Variants in CRADD observed in about 807,000 individuals in gnomAD.
The protein encoded by CRADD is CARD and death domain containing adaptor protein.
A neutral mutation model predicts 15.5 loss-of-function variants in CRADD; 9 were observed. That is an observed-to-expected ratio of 0.58 (90% CI 0.35 to 1.01). The LOEUF (loss-of-function observed/expected upper bound fraction) is 1.01, where lower values mean the gene tolerates loss of function less well. Among genes scored for constraint, CRADD ranks in the 50% least tolerant of loss-of-function variants. The pLI, the probability that CRADD is intolerant of heterozygous loss-of-function variation, is 0.02. For synonymous variants in CRADD, 118 were observed against 107.6 expected (o/e 1.10, Z -0.60); for missense variants, 227 against 250.3 (o/e 0.91, Z 0.63).
At chr12:93,808,033 T>G in intron 2 of CRADD, among the ~76,000 whole-genome samples, 2 of 116,952 alleles carry the variant, frequency 1.7e-5, no homozygotes, top group African/African-American at 3.2e-5. Flanking sequence ...AGAGGTAGCA[T>G]GGGGGTAGTG....
chr12:93,870,777 T>C (rs542473007), intron 2 of CRADD, among the ~76,000 whole-genome samples: 1 of 152,280 alleles, frequency 6.6e-6, no homozygotes, highest in East Asian at 1.9e-4. Context: ...CCCAAACTCC[T>C]TTTGAGTGGC....
At chr12:93,726,089 G>C (rs941751262) in intron 2 of CRADD, among the ~76,000 whole-genome samples, 1 of 121,384 alleles carries the variant, frequency 8.2e-6, no homozygotes, top group Non-Finnish European at 1.7e-5. Context: ...AGAGTAAATA[G>C]TTTAGTTTTT....
chr12:93,822,456 G>T (rs1221844417), intron 2 of CRADD, among the ~76,000 whole-genome samples: 3 of 152,174 alleles, frequency 2.0e-5, no homozygotes, highest in African/African-American at 7.2e-5. Flanking sequence ...ACAGTGAATT[G>T]TTGCCATGAA....
intron 2 of CRADD, among the ~76,000 whole-genome samples, chr12:93,886,630 G>A (rs1958539435): frequency 6.6e-6 from 1 of 152,196 alleles, no homozygotes; most frequent in African/African-American, 2.4e-5. Flanking sequence ...AGTCTTCTAT[G>A]TGGGATTAAG....
chr12:93,869,361 A>G (rs919670315), intron 2 of CRADD, among the ~76,000 whole-genome samples: 10 of 152,236 alleles, frequency 6.6e-5, no homozygotes, highest in African/African-American at 2.2e-4. Flanking sequence ...AGCATACAAT[A>G]AAAATTACCA....
intron 2 of CRADD, among the ~76,000 whole-genome samples, chr12:93,822,184 T>A (rs1471403817): frequency 6.6e-6 from 1 of 152,040 alleles, no homozygotes; most frequent in Non-Finnish European, 1.5e-5. Flanking sequence ...CCTTTTCTTC[T>A]TTAGGCTTGA....
intron 2 of CRADD, among the ~76,000 whole-genome samples, chr12:93,734,116 A>G (rs1473917554): frequency 2.0e-5 from 3 of 147,724 alleles, no homozygotes; most frequent in Non-Finnish European, 3.0e-5. Context: ...ACTTTCTTTT[A>G]TCCAGCCATC....
At chr12:93,712,628 A>G (rs1956094312) in intron 2 of CRADD, among the ~76,000 whole-genome samples, 1 of 152,252 alleles carries the variant, frequency 6.6e-6, no homozygotes, top group Admixed American at 6.5e-5. Context: ...GAAAGAACCC[A>G]GGGATAATTC....
intron 2 of CRADD, among the ~76,000 whole-genome samples, chr12:93,875,599 A>G (rs967896555): frequency 1.3e-5 from 2 of 151,924 alleles, no homozygotes; most frequent in East Asian, 1.9e-4. Flanking sequence ...GGTTACCACA[A>G]AGCTTGCAGA....
intron 2 of CRADD, among the ~76,000 whole-genome samples, chr12:93,864,736 C>T (rs1034007978): frequency 6.6e-5 from 10 of 152,164 alleles, no homozygotes; most frequent in Non-Finnish European, 2.9e-5. Flanking sequence ...AACACAAAAA[C>T]GTATGTGTAC....
At chr12:93,750,010 G>C (rs562074339) in intron 2 of CRADD, among the ~76,000 whole-genome samples, 1 of 152,292 alleles carries the variant, frequency 6.6e-6, no homozygotes, top group Admixed American at 6.5e-5. Flanking sequence ...CTGGGCTTTT[G>C]TGAAGAACAT....
In CRADD at chr12:93,678,824, G is replaced by T; in HGVS notation, c.50G>T (p.Gly17Val). 1 of 1,614,206 alleles carries T rather than the reference G, an allele frequency of 6.2e-7. No homozygotes were observed. Among genetic ancestry groups the T allele is most frequent in the South Asian group, 1.1e-5 (1 of 91,090 alleles). The change falls in exon 2 of 3, where the codon GGT becomes GTT. Residue 17 changes from glycine to valine, a missense_variant. Transcript: ENST00000332896. ...CTCCGCTCACTTCGCCTGGAGCTGG[G>T]TGCAGAGGTATTGGTGGAGGGACTG... ...QVLRSLRLELGAEVLVEGLVL... is the reference protein window; with the variant it reads ...QVLRSLRLELVAEVLVEGLVL...
chr12:93,795,375 A>C (rs1336143677), intron 2 of CRADD, among the ~76,000 whole-genome samples: 1 of 152,200 alleles, frequency 6.6e-6, no homozygotes, highest in East Asian at 1.9e-4. Context: ...AACATTCTTA[A>C]ATAGGTTAAA....
Position 93,892,989 on chromosome 12 carries a change from G to C in CRADD, c.299-1061G>C, listed in dbSNP as rs189012162. Among the ~76,000 whole-genome samples, 91 of 152,316 alleles carry C rather than the reference G, an allele frequency of 6.0e-4. 1 individual carries two copies. In the East Asian group the frequency reaches 0.017, roughly 28 times the overall value. On this transcript the variant is annotated intron_variant, in intron 2 of 2. Coordinates refer to the CRADD transcript ENST00000548483. ...GAAAGAACACAGGCTGTGCTGTAAA[G>C]AAGGGCTGCAGCCGCCTGGTGCTTG...
intron 2 of CRADD, chr12:93,831,494 T>C (rs1957901056): frequency 6.6e-6 from 1 of 152,276 alleles, no homozygotes. Context: ...TGAATCTGCA[T>C]GGCAGCACCT....
chr12:93,727,268 G>T (rs1956384855), intron 2 of CRADD, among the ~76,000 whole-genome samples: 1 of 152,174 alleles, frequency 6.6e-6, no homozygotes, highest in Non-Finnish European at 1.5e-5. Flanking sequence ...ACTGCTTATT[G>T]TCGCCTTCTT....
At chr12:93,768,648 A>T (rs1330434091) in intron 2 of CRADD, among the ~76,000 whole-genome samples, 1 of 152,250 alleles carries the variant, frequency 6.6e-6, no homozygotes, top group Non-Finnish European at 1.5e-5. Context: ...ATATATCATG[A>T]ACATGTTTTC....
chr12:93,742,127 G>C (rs1022953686), intron 2 of CRADD, among the ~76,000 whole-genome samples: 2 of 152,132 alleles, frequency 1.3e-5, no homozygotes, highest in Admixed American at 6.5e-5. Context: ...TTTCATGTTA[G>C]CCCAAAATGA....
intron 2 of CRADD, among the ~76,000 whole-genome samples, chr12:93,818,657 G>A (rs1957736139): frequency 6.6e-6 from 1 of 152,192 alleles, no homozygotes; most frequent in Non-Finnish European, 1.5e-5. Context: ...GGTGGGGCGA[G>A]GAGTGACCCA....
Sources: allele counts gnomAD v4.1 joint callset (sites outside exome capture counted in the v4.1 genomes callset), GRCh38; gene constraint gnomAD v4.1.1; transcripts MANE v1.5; gene names NCBI Gene and HGNC (gene_info 2026-07-23, HGNC 2026-07-21).